Variants in PTCHD4 observed in about 807,000 individuals in gnomAD.
The protein encoded by PTCHD4 is patched domain-containing protein 4.
Under a neutral mutation model 58.1 loss-of-function variants are expected in PTCHD4, and 33 were observed. The ratio of observed to expected loss-of-function variants is 0.57; its 90% confidence interval spans 0.43 to 0.76. PTCHD4 has a LOEUF of 0.76. Among genes scored for constraint, PTCHD4 ranks in the 30% least tolerant of loss-of-function variants. The pLI, the probability that PTCHD4 is intolerant of heterozygous loss-of-function variation, is 0.00. For missense variants in PTCHD4, 1,058 were observed against 1,027.1 expected (o/e 1.03, Z -0.41); for synonymous variants, 478 against 409.6 (o/e 1.17, Z -2.02).
intron 4 of PTCHD4, among the ~76,000 whole-genome samples, chr6:47,988,111 G>C (rs1768141963): frequency 6.6e-6 from 1 of 152,110 alleles, no homozygotes. Flanking sequence ...GCTTGTCTCT[G>C]TGCTAAGCAG....
intron 4 of PTCHD4, among the ~76,000 whole-genome samples, chr6:47,942,213 TCCAAA>T (rs1766257771): frequency 1.3e-5 from 2 of 152,164 alleles, no homozygotes; most frequent in Admixed American, 6.5e-5. Context: ...TTGCAGAGAA[TCCAAA>T]GGGATCCCAA....
chr6:48,067,920 T>A (rs1167379106), intron 3 of PTCHD4, among the ~76,000 whole-genome samples: 1 of 152,168 alleles, frequency 6.6e-6, no homozygotes, highest in East Asian at 1.9e-4. Context: ...CAGTTGCCCA[T>A]CTTTTCCCCC....
intron 1 of PTCHD4, among the ~76,000 whole-genome samples, chr6:48,071,705 T>C (rs1306504217): frequency 6.6e-6 from 1 of 152,224 alleles, no homozygotes; most frequent in African/African-American, 2.4e-5. Flanking sequence ...TTACTTTTCC[T>C]TACTTTTTAC....
At position 47,879,300 on chromosome 6, in the gene PTCHD4, T is replaced by C; in HGVS notation, c.1535A>G (p.Tyr512Cys). 2 of 1,612,808 alleles carry C rather than the reference T, an allele frequency of 1.2e-6. No individual in the cohort carries two copies. Among genetic ancestry groups the C allele is most frequent in the Non-Finnish European group, 1.7e-6 (2 of 1,179,404 alleles). ...GACGTAGAATCCTATCACAGGGCTA[T>C]AGTTGCTGAAATATTTCTGCTGAAC... Reference protein sequence around the residue: ...AMVQQKYFSNYSPVIGFYVYE... With the variant: ...AMVQQKYFSNCSPVIGFYVYE... Residue 512 changes from tyrosine (Y) to cysteine (C), a missense_variant, in exon 5 of 5, where the codon TAT (tyrosine) becomes TGT (cysteine). Physicochemically the swap from Tyr to Cys is radical, Grantham distance 194 (BLOSUM62 -2). Transcript: ENST00000339488.
chr6:47,984,378 G>C lies in PTCHD4; in HGVS notation c.898+24256C>G, dbSNP rs956387396. 2.5e-4 allele frequency among the ~76,000 whole-genome samples: 38 copies of C among 152,206 alleles called. 1 individual carries two copies. Among genetic ancestry groups the C allele is most frequent in the South Asian group, 2.1e-4 (1 of 4,828 alleles). On this transcript the variant is annotated intron_variant, in intron 4 of 4. Coordinates refer to ENST00000339488, the MANE Select transcript of PTCHD4 (RefSeq NM_001384253.1). The stretch of plus-strand genomic sequence containing the variant: ...AGAGAGGAGAGCAAGCATGTGCATG[G>C]AATACTGCCTTATAAAACCATCAGA...
At chr6:47,890,754 G>T (rs1764353064) in intron 4 of PTCHD4, 2 of 277,758 alleles carry the variant, frequency 7.2e-6, no homozygotes, top group Non-Finnish European at 1.1e-5. Flanking sequence ...AGCTTTCCTT[G>T]CTGCAGGGCC....
chr6:47,955,395 C>T (rs1766819544), intron 4 of PTCHD4, among the ~76,000 whole-genome samples: 1 of 152,058 alleles, frequency 6.6e-6, no homozygotes, highest in Non-Finnish European at 1.5e-5. Flanking sequence ...AATTATGAGT[C>T]TGATTTATAA....
intron 3 of PTCHD4, among the ~76,000 whole-genome samples, chr6:48,050,348 T>C (rs1268286150): frequency 3.3e-5 from 5 of 152,118 alleles, no homozygotes; most frequent in Middle Eastern, 3.4e-3. Flanking sequence ...CAGTAAATCC[T>C]TTTCCACTTT....
chr6:48,022,010 C>A lies in PTCHD4; in HGVS notation c.418-12896G>T, dbSNP rs192431224. On this transcript the variant is annotated intron_variant, in intron 3 of 4. Transcript: ENST00000339488. ...AAAGAATGTGAAATCAATAACGTAG[C>A]CTTTATTTACATTTGGGAGTGAAGT... Among the ~76,000 whole-genome samples the A allele has an allele frequency of 2.4e-3, 361 of 152,068 alleles. 2 individuals are homozygous for A. Among genetic ancestry groups the A allele is most frequent in the African/African-American group, 7.9e-3 (329 of 41,492 alleles).
intron 4 of PTCHD4, among the ~76,000 whole-genome samples, chr6:47,883,220 G>A (rs1220572826): frequency 1.3e-5 from 2 of 151,972 alleles, no homozygotes; most frequent in Non-Finnish European, 2.9e-5. Flanking sequence ...TTCAACAACT[G>A]TCCAGAAAGT....
At chr6:47,902,517 C>T (rs764043927) in intron 4 of PTCHD4, among the ~76,000 whole-genome samples, 1 of 152,076 alleles carries the variant, frequency 6.6e-6, no homozygotes, top group Non-Finnish European at 1.5e-5. Flanking sequence ...GGAAATGATT[C>T]TAGAACCCAG....
At chr6:47,886,388 T>C (rs1764196086) in intron 4 of PTCHD4, among the ~76,000 whole-genome samples, 1 of 152,132 alleles carries the variant, frequency 6.6e-6, no homozygotes. Flanking sequence ...TCATTTGCCT[T>C]CAGAAGACAT....
At chr6:48,090,310 A>G (rs887919270) in intron 1 of PTCHD4, among the ~76,000 whole-genome samples, 2 of 152,172 alleles carry the variant, frequency 1.3e-5, no homozygotes, top group African/African-American at 4.8e-5. Flanking sequence ...TTACATGATC[A>G]TTGGATTTGT....
chr6:48,058,043 T>G (rs142919069), intron 3 of PTCHD4, among the ~76,000 whole-genome samples: 2,295 of 152,350 alleles, frequency 0.015, 43 homozygotes, highest in South Asian at 0.06. Flanking sequence ...TTCTGAGCAT[T>G]GGTAATCTGT....
At chr6:47,993,785 T>C (rs1184536134) in intron 4 of PTCHD4, among the ~76,000 whole-genome samples, 2 of 151,986 alleles carry the variant, frequency 1.3e-5, no homozygotes, top group African/African-American at 2.4e-5. Context: ...TAGTAAGAAA[T>C]TGAGAGGCTT....
intron 3 of PTCHD4, among the ~76,000 whole-genome samples, chr6:48,059,405 C>T (rs1482017864): frequency 6.6e-6 from 1 of 152,000 alleles, no homozygotes; most frequent in African/African-American, 2.4e-5. Flanking sequence ...CTTTGGGAGG[C>T]GGAAGTGGGC....
chr6:47,897,112 C>T (rs1561944635), intron 4 of PTCHD4, among the ~76,000 whole-genome samples: 1 of 152,150 alleles, frequency 6.6e-6, no homozygotes, highest in Non-Finnish European at 1.5e-5. Flanking sequence ...TCGTTCCCTA[C>T]TTCTTATGTT....
chr6:47,945,246 C>G (rs530501500), intron 4 of PTCHD4, among the ~76,000 whole-genome samples: 2 of 152,200 alleles, frequency 1.3e-5, no homozygotes, highest in East Asian at 3.9e-4. Context: ...GGTTTACTCT[C>G]TCTGAAAATC....
intron 4 of PTCHD4, among the ~76,000 whole-genome samples, chr6:47,946,683 A>G (rs1216249941): frequency 2.0e-5 from 3 of 152,058 alleles, no homozygotes; most frequent in Non-Finnish European, 4.4e-5. Context: ...TGTGATTTCT[A>G]ATATATTTGG....
Sources: gnomAD v4.1 joint callset for allele counts (sites outside exome capture counted in the v4.1 genomes callset) on GRCh38, gnomAD v4.1.1 for gene constraint, MANE v1.5 for transcripts, NCBI Gene and HGNC (gene_info 2026-07-23, HGNC 2026-07-21) for gene names.